Variants in SGCZ observed in about 807,000 individuals in gnomAD.
SGCZ encodes sarcoglycan zeta.
In SGCZ, 40 loss-of-function variants were observed where a neutral mutation model predicts 41.3. That is an observed-to-expected ratio of 0.97 (90% CI 0.75 to 1.26). The LOEUF (loss-of-function observed/expected upper bound fraction) is 1.26. Ranked by LOEUF, SGCZ falls within the 50% of genes most tolerant of loss-of-function variation. The pLI, the probability that SGCZ is intolerant of heterozygous loss-of-function variation, is 0.00. For synonymous variants in SGCZ, 206 were observed against 137.5 expected (o/e 1.50, Z -3.49); for missense variants, 552 against 369.8 (o/e 1.49, Z -4.04).
intron 1 of SGCZ, among the ~76,000 whole-genome samples, chr8:14,992,708 C>T (rs1802062466): frequency 7.6e-6 from 1 of 131,564 alleles, no homozygotes; most frequent in African/African-American, 3.0e-5. Context: ...CCCCACCCAT[C>T]CTCCTCATTC....
chr8:14,148,041 G>C (rs1013024422), intron 5 of SGCZ, among the ~76,000 whole-genome samples: 2 of 151,956 alleles, frequency 1.3e-5, no homozygotes, highest in African/African-American at 4.8e-5. Context: ...AAACCTATGG[G>C]ATACAGCAAA....
intron 1 of SGCZ, among the ~76,000 whole-genome samples, chr8:15,043,086 G>A (rs1443955138): frequency 3.9e-5 from 6 of 152,106 alleles, no homozygotes; most frequent in Non-Finnish European, 8.8e-5. Context: ...CCAGAGCAAG[G>A]GCACAAAATG....
At chr8:15,007,574 C>T (rs545156365) in intron 1 of SGCZ, among the ~76,000 whole-genome samples, 1 of 152,324 alleles carries the variant, frequency 6.6e-6, no homozygotes, top group African/African-American at 2.4e-5. Context: ...TCAATCGTCT[C>T]ATCCGTAAAA....
At chr8:14,982,197 A>T (rs1801689070) in intron 1 of SGCZ, among the ~76,000 whole-genome samples, 1 of 151,926 alleles carries the variant, frequency 6.6e-6, no homozygotes, top group African/African-American at 2.4e-5. Context: ...TTGAAAATAC[A>T]ATTAAGACTG....
chr8:14,466,870 A>C (rs1255788073), intron 2 of SGCZ, among the ~76,000 whole-genome samples: 1 of 151,530 alleles, frequency 6.6e-6, no homozygotes, highest in Non-Finnish European at 1.5e-5. Flanking sequence ...GATTTTCTCT[A>C]TGTCTTCCTT....
intron 1 of SGCZ, among the ~76,000 whole-genome samples, chr8:15,002,321 T>C (rs1802455450): frequency 6.6e-6 from 1 of 151,898 alleles, no homozygotes; most frequent in Non-Finnish European, 1.5e-5. Context: ...AAAAAGATAG[T>C]AAGGAAATGT....
intron 1 of SGCZ, among the ~76,000 whole-genome samples, chr8:14,854,310 A>G (rs1016289689): frequency 1.3e-5 from 2 of 151,876 alleles, no homozygotes; most frequent in Non-Finnish European, 1.5e-5. Context: ...CGCAATTCAC[A>G]AAACAAAAAG....
intron 3 of SGCZ, among the ~76,000 whole-genome samples, chr8:14,276,071 T>G (rs562352492): frequency 6.6e-6 from 1 of 152,316 alleles, no homozygotes; most frequent in East Asian, 1.9e-4. Flanking sequence ...GTGGACCTGC[T>G]TCTTCCTTGG....
chr8:14,814,550 T>C (rs573606497), intron 1 of SGCZ, among the ~76,000 whole-genome samples: 33 of 152,160 alleles, frequency 2.2e-4, no homozygotes, highest in Non-Finnish European at 4.6e-4. Flanking sequence ...CAGCATCTCA[T>C]AGCCAAAGAA....
intron 1 of SGCZ, among the ~76,000 whole-genome samples, chr8:15,023,916 C>T (rs1016016316): frequency 2.6e-5 from 4 of 152,140 alleles, no homozygotes; most frequent in African/African-American, 7.2e-5. Flanking sequence ...GTTTCCCAGT[C>T]GGCTTTAATG....
intron 4 of SGCZ, among the ~76,000 whole-genome samples, chr8:14,192,056 G>A (rs1051749047): frequency 6.6e-6 from 1 of 151,948 alleles, no homozygotes; most frequent in Non-Finnish European, 1.5e-5. Flanking sequence ...ATGACCTGTA[G>A]AAAAATGTCA....
At chr8:14,142,898 A>G (rs1405503915) in intron 5 of SGCZ, among the ~76,000 whole-genome samples, 1 of 151,850 alleles carries the variant, frequency 6.6e-6, no homozygotes. Flanking sequence ...GCCTTCTCCC[A>G]TGATCATAAG....
chr8:14,620,850 A>G (rs991500482), intron 1 of SGCZ, among the ~76,000 whole-genome samples: 2 of 152,182 alleles, frequency 1.3e-5, no homozygotes, highest in African/African-American at 4.8e-5. Context: ...GGGACTGTAA[A>G]CTAGTTGAAC....
Position 14,174,037 on chromosome 8 carries a change from A to C in SGCZ, c.425-9335T>G, listed in dbSNP as rs140398564. Among the ~76,000 whole-genome samples, 280 of 152,208 alleles carry C rather than the reference A, an allele frequency of 1.8e-3. 1 individual carries two copies. The highest frequency in any genetic ancestry group is 6.6e-3 in the African/African-American group (273 of 41,566). Reference sequence around the variant, plus strand: ...AAAAAGCTACTTTGTAATGAGAATAATAATGAAAAATAGAGTTTCAAACAA... The same window carrying C: ...AAAAAGCTACTTTGTAATGAGAATACTAATGAAAAATAGAGTTTCAAACAA... On this transcript the variant is annotated intron_variant, in intron 4 of 7. Coordinates refer to ENST00000382080, the MANE Select transcript of SGCZ (RefSeq NM_139167.4).
intron 1 of SGCZ, among the ~76,000 whole-genome samples, chr8:15,098,927 G>A (rs908181532): frequency 2.0e-5 from 3 of 152,102 alleles, no homozygotes; most frequent in Non-Finnish European, 4.4e-5. Flanking sequence ...GGGTGGTGGT[G>A]GGTGCCTGTA....
chr8:14,467,205 T>C (rs957625816), intron 2 of SGCZ, among the ~76,000 whole-genome samples: 18 of 152,080 alleles, frequency 1.2e-4, no homozygotes, highest in African/African-American at 4.1e-4. Flanking sequence ...ATTTTTCCCA[T>C]ATTTGAGGTT....
At chr8:14,640,768 A>G (rs1252347526) in intron 1 of SGCZ, among the ~76,000 whole-genome samples, 1 of 151,590 alleles carries the variant, frequency 6.6e-6, no homozygotes, top group African/African-American at 2.4e-5. Context: ...TAGCCCTCAG[A>G]TAGCTCATCC....
chr8:14,236,463 C>A (rs1003569699), intron 4 of SGCZ, among the ~76,000 whole-genome samples: 2 of 151,886 alleles, frequency 1.3e-5, no homozygotes, highest in African/African-American at 2.4e-5. Flanking sequence ...AAAAAACCTA[C>A]AAATTAAGTA....
At chr8:14,384,953 C>T (rs1463900267) in intron 2 of SGCZ, among the ~76,000 whole-genome samples, 2 of 152,182 alleles carry the variant, frequency 1.3e-5, no homozygotes, top group Non-Finnish European at 2.9e-5. Flanking sequence ...AGGACTTGTG[C>T]TGGCAAAAAC....
Sources: allele counts gnomAD v4.1 joint callset (sites outside exome capture counted in the v4.1 genomes callset), GRCh38; gene constraint gnomAD v4.1.1; transcripts MANE v1.5; gene names NCBI Gene and HGNC (gene_info 2026-07-23, HGNC 2026-07-21).